The following NKAIN3 variants were observed in gnomAD, a reference collection of about 807,000 sequenced individuals.
NKAIN3 encodes sodium/potassium-transporting ATPase subunit beta-1-interacting protein 3.
Under a neutral mutation model 30.2 loss-of-function variants are expected in NKAIN3, and 25 were observed. The observed-to-expected ratio is 0.83, with a 90% confidence interval of 0.60 to 1.16. The LOEUF is 1.16. NKAIN3 is among the 50% of genes most tolerant of loss of function. The pLI is 0.00. For synonymous variants in NKAIN3, 91 were observed against 89.6 expected (o/e 1.02, Z -0.09); for missense variants, 225 against 254.1 (o/e 0.89, Z 0.78).
downstream of NKAIN3, among the ~76,000 whole-genome samples, chr8:62,987,944 A>G (rs1824236916): frequency 6.6e-6 from 1 of 152,208 alleles, no homozygotes; most frequent in Non-Finnish European, 1.5e-5. Context: ...TTCTAGATAC[A>G]AGGGGAGTAC....
chr8:62,782,700 T>G (rs530509323), intron 4 of NKAIN3, among the ~76,000 whole-genome samples: 1 of 151,044 alleles, frequency 6.6e-6, no homozygotes, highest in African/African-American at 2.4e-5. Flanking sequence ...ATGTTCTTAC[T>G]CATATGTGAG....
intron 3 of NKAIN3, among the ~76,000 whole-genome samples, chr8:62,684,470 G>A (rs186949210): frequency 9.2e-5 from 14 of 152,314 alleles, no homozygotes; most frequent in East Asian, 7.7e-4. Flanking sequence ...GAGTGTGTAT[G>A]GGGAGTGAGA....
At chr8:62,816,348 G>T (rs1554581035) in intron 4 of NKAIN3, among the ~76,000 whole-genome samples, 1 of 152,186 alleles carries the variant, frequency 6.6e-6, no homozygotes, top group Non-Finnish European at 1.5e-5. Flanking sequence ...GATTGTTTGT[G>T]AAGGCTGTGG....
chr8:62,355,797 G>A (rs901003672), intron 1 of NKAIN3, among the ~76,000 whole-genome samples: 1 of 152,068 alleles, frequency 6.6e-6, no homozygotes, highest in African/African-American at 2.4e-5. Flanking sequence ...ATCTGACGTG[G>A]TTTTCCAGGA....
intron 3 of NKAIN3, among the ~76,000 whole-genome samples, chr8:62,732,123 A>AT (rs1255115869): frequency 6.6e-6 from 1 of 152,062 alleles, no homozygotes; most frequent in African/African-American, 2.4e-5. Flanking sequence ...AATAATTTAG[A>AT]TTTTTTAAGA....
At position 62,888,955 on chromosome 8, in the gene NKAIN3, A is replaced by G. The variant is rs533071082; in HGVS notation, c.472-29498A>G. Among the ~76,000 whole-genome samples, 59 of 152,336 alleles carry G rather than the reference A, an allele frequency of 3.9e-4. 1 individual carries two copies. Among genetic ancestry groups the G allele is most frequent in the African/African-American group, 1.4e-3 (59 of 41,586 alleles). On this transcript the variant is annotated intron_variant, in intron 4 of 6. Coordinates refer to ENST00000623646, the MANE Select transcript of NKAIN3 (RefSeq NM_001304533.3). ...TGTTGAACTGATTTGAGAGGTTCCAAAGAATTATTTTCAATTTTTAGCAAA... is the reference window on the plus strand; with the variant it reads ...TGTTGAACTGATTTGAGAGGTTCCAGAGAATTATTTTCAATTTTTAGCAAA...
Position 62,956,911 on chromosome 8 carries a change from G to C in NKAIN3, c.603+2939G>C, listed in dbSNP as rs367929867. Among the ~76,000 whole-genome samples, 24 of 152,318 alleles carry C rather than the reference G, an allele frequency of 1.6e-4. 2 individuals are homozygous for C. Among genetic ancestry groups the C allele is most frequent in the Admixed American group, 1.1e-3 (17 of 15,304 alleles). ...AGGGGGAATGGTTAACTCTCGCTTA[G>C]CGAGGAAAGGCTTCCCTGAGAAATA... On this transcript the variant is annotated intron_variant, in intron 6 of 6. Transcript: ENST00000623646.
chr8:62,400,180 T>G (rs1354786395), intron 1 of NKAIN3, among the ~76,000 whole-genome samples: 1 of 149,066 alleles, frequency 6.7e-6, no homozygotes, highest in Non-Finnish European at 1.5e-5. Context: ...TTTTTTTTTT[T>G]TTTGAGACAG....
intron 1 of NKAIN3, among the ~76,000 whole-genome samples, chr8:62,322,218 C>A (rs1814950572): frequency 6.6e-6 from 1 of 152,154 alleles, no homozygotes; most frequent in South Asian, 2.1e-4. Context: ...TTTGCAGGTG[C>A]CATCTGTCAC....
chr8:62,965,149 C>G (rs535852032), intron 6 of NKAIN3, among the ~76,000 whole-genome samples: 4 of 152,222 alleles, frequency 2.6e-5, no homozygotes, highest in Non-Finnish European at 5.9e-5. Context: ...GGAAATCATC[C>G]TGAACTCTGA....
At chr8:62,280,923 T>G (rs957480215) in intron 1 of NKAIN3, among the ~76,000 whole-genome samples, 1 of 152,226 alleles carries the variant, frequency 6.6e-6, no homozygotes, top group South Asian at 2.1e-4. Context: ...CTTTTTCTAT[T>G]GATTGGAATA....
chr8:62,975,391 G>C lies in NKAIN3; in HGVS notation c.*9984G>C, dbSNP rs1363923842. On this transcript the variant is annotated 3_prime_UTR_variant, in exon 7 of 7. Transcript: ENST00000623646. ...TCAACTTCTTCCTGGGTTAGTCATGGTAGGGTGAATGTGTCCAGGAATTTA... is the reference window on the plus strand; with the variant it reads ...TCAACTTCTTCCTGGGTTAGTCATGCTAGGGTGAATGTGTCCAGGAATTTA... 6.6e-6 allele frequency among the ~76,000 whole-genome samples: 1 copy of C among 152,114 alleles called. No homozygotes were observed. Among genetic ancestry groups the C allele is most frequent in the African/African-American group, 2.4e-5 (1 of 41,404 alleles).
chr8:62,728,660 C>T (rs1273496795), intron 3 of NKAIN3, among the ~76,000 whole-genome samples: 7 of 147,062 alleles, frequency 4.8e-5, no homozygotes, highest in African/African-American at 1.8e-4. Context: ...AACGAAACTT[C>T]GTCTCAAAAA....
intron 1 of NKAIN3, among the ~76,000 whole-genome samples, chr8:62,415,237 GTATAT>G (rs1335146473): frequency 7.2e-6 from 1 of 137,980 alleles, no homozygotes; most frequent in Non-Finnish European, 1.5e-5. Flanking sequence ...GTATAATATA[GTATAT>G]TATATATAAT....
At chr8:62,993,578 A>G (rs902875266) in intron 5 of NKAIN3, among the ~76,000 whole-genome samples, 2 of 152,038 alleles carry the variant, frequency 1.3e-5, no homozygotes, top group Admixed American at 6.6e-5. Flanking sequence ...AATCTCTCAC[A>G]TGTCCTGTTT....
rs190293391 is a variant in NKAIN3, at chr8:62,587,253, T to C, written c.193-2461T>C. 1.3e-3 allele frequency among the ~76,000 whole-genome samples: 199 copies of C among 151,984 alleles called. 1 individual carries two copies. The highest frequency in any genetic ancestry group is 4.7e-3 in the African/African-American group (197 of 41,528). On this transcript the variant is annotated intron_variant, in intron 2 of 6. Transcript: ENST00000623646. Reference sequence around the variant, plus strand: ...TTCATACCTTATAACAATTCAAAAATCAAAAATATATATTTTCTTTGTTCT... The same window carrying C: ...TTCATACCTTATAACAATTCAAAAACCAAAAATATATATTTTCTTTGTTCT...
At chr8:62,691,797 T>C (rs893896200) in intron 3 of NKAIN3, among the ~76,000 whole-genome samples, 3 of 152,180 alleles carry the variant, frequency 2.0e-5, no homozygotes, top group African/African-American at 7.2e-5. Context: ...ATTGTGTCAG[T>C]TAGCTATTTA....
intron 6 of NKAIN3, among the ~76,000 whole-genome samples, chr8:62,954,414 A>G (rs1823366984): frequency 6.6e-6 from 1 of 151,920 alleles, no homozygotes; most frequent in Admixed American, 6.6e-5. Context: ...CACAGGGGGG[A>G]AATAGATTAA....
chr8:62,881,994 G>A (rs1410217794), intron 4 of NKAIN3, among the ~76,000 whole-genome samples: 1 of 152,144 alleles, frequency 6.6e-6, no homozygotes, highest in Non-Finnish European at 1.5e-5. Flanking sequence ...CAATACCTTA[G>A]TGACATATGA....
Sources: allele counts gnomAD v4.1 joint callset (sites outside exome capture counted in the v4.1 genomes callset), GRCh38; gene constraint gnomAD v4.1.1; transcripts MANE v1.5; gene names NCBI Gene and HGNC (gene_info 2026-07-23, HGNC 2026-07-21).